Variants in ANK3 observed in about 807,000 individuals in gnomAD.
ANK3 encodes the protein ankyrin-3.
In ANK3, 57 loss-of-function variants were observed where a neutral mutation model predicts 370.9. The observed-to-expected ratio is 0.15, with a 90% CI of 0.12 to 0.19. ANK3 has a LOEUF of 0.19. Ranked by LOEUF, ANK3 falls within the 10% of genes least tolerant of loss-of-function variation. The pLI is 1.00. For synonymous variants in ANK3, 1,929 were observed against 1,946.3 expected, an observed-to-expected ratio of 0.99 and a Z score of 0.23; for missense variants, 4,439 against 5,302.1, an observed-to-expected ratio of 0.84 and a Z score of 5.06.
intron 1 of ANK3, among the ~76,000 whole-genome samples, chr10:60,629,238 T>C (rs2078450966): frequency 6.6e-6 from 1 of 152,164 alleles, no homozygotes; most frequent in Non-Finnish European, 1.5e-5. Flanking sequence ...GAAGTTTATA[T>C]CCATGTCAAA....
At chr10:60,523,740 C>A (rs1243966649) in intron 2 of ANK3, among the ~76,000 whole-genome samples, 1 of 151,920 alleles carries the variant, frequency 6.6e-6, no homozygotes, top group African/African-American at 2.4e-5. Context: ...GATTTATAGT[C>A]CTTTGGGTAT....
rs546760980 is a variant in ANK3, at chr10:60,438,270, T to C, written c.97-158631A>G. ...AAATACATATATATATATGTATGTA[T>C]GTATGTATTGAAGAGTGAGGCTTGG... On this transcript the variant is annotated intron_variant, in intron 2 of 43. Transcript: ENST00000373827. 2.6e-5 allele frequency among the ~76,000 whole-genome samples: 4 copies of C among 152,184 alleles called. No homozygotes were observed. In the South Asian group the frequency reaches 8.3e-4, roughly 32 times the overall value.
At chr10:60,390,036 G>A (rs1056150986), upstream of ANK3, among the ~76,000 whole-genome samples, 1 of 152,152 alleles carries the variant, frequency 6.6e-6, no homozygotes, top group South Asian at 2.1e-4. Context: ...ATCACCACTA[G>A]ATCTACACGG....
At chr10:60,648,164 T>TTTG (rs2078736329) in intron 1 of ANK3, among the ~76,000 whole-genome samples, 1 of 142,622 alleles carries the variant, frequency 7.0e-6, no homozygotes, top group Non-Finnish European at 1.5e-5. Context: ...TTTCCTTTTT[T>TTTG]TTTTTTGAGA....
At chr10:60,288,677 G>C (rs1435468092) in intron 1 of ANK3, among the ~76,000 whole-genome samples, 1 of 152,152 alleles carries the variant, frequency 6.6e-6, no homozygotes, top group Non-Finnish European at 1.5e-5. Flanking sequence ...AGGTTCAGGA[G>C]AGGTTTGGAA....
At chr10:60,579,304 C>T (rs952004162) in intron 2 of ANK3, among the ~76,000 whole-genome samples, 13 of 134,318 alleles carry the variant, frequency 9.7e-5, no homozygotes, top group African/African-American at 3.8e-4. Flanking sequence ...TGGCCTGGCA[C>T]CAGAGCGAGA....
intron 1 of ANK3, among the ~76,000 whole-genome samples, chr10:60,732,698 AC>A (rs1427296342): frequency 6.6e-6 from 1 of 151,824 alleles, no homozygotes. Flanking sequence ...ACAAAACAAA[AC>A]AAACAACAAC....
intron 2 of ANK3, among the ~76,000 whole-genome samples, chr10:60,589,264 A>G (rs567175894): frequency 6.6e-6 from 1 of 152,318 alleles, no homozygotes; most frequent in South Asian, 2.1e-4. Context: ...AAGCTAGACT[A>G]AAGGTTACAT....
chr10:60,070,289 G>A lies in ANK3; in HGVS notation c.10592C>T (p.Pro3531Leu). Residue 3531 changes from proline to leucine, a missense_variant, in exon 37 of 44, where the codon CCT becomes CTT. Around this residue, in one of 13 missense-constraint regions of ANK3, gnomAD observed 1,601 missense variants for 1,731.7 expected, o/e 0.92. Transcript: ENST00000280772. The surrounding 1 kb of genome is among the most constrained non-coding windows in gnomAD (Gnocchi z 5.7). ...SYKVDEEFAT[P>L]FKTVATKGLD... ...ACCTTTGGTAGCTACTGTTTTAAAAGGAGTGGCAAATTCTTCATCTACTTT... is the reference window on the plus strand; with the variant it reads ...ACCTTTGGTAGCTACTGTTTTAAAAAGAGTGGCAAATTCTTCATCTACTTT... 6.2e-7 allele frequency: 1 copy of A among 1,614,104 alleles called. No individual in the cohort carries two copies.
Position 60,070,547 on chromosome 10 carries a change from A to C in ANK3, c.10334T>G (p.Ile3445Ser). 1 of 1,614,086 alleles carries C rather than the reference A, an allele frequency of 6.2e-7. No homozygotes were observed. Among genetic ancestry groups the C allele is most frequent in the Non-Finnish European group, 8.5e-7 (1 of 1,180,014 alleles). ...PIQAMEIKKDIWNTEGILKPA... is the reference protein window; with the variant it reads ...PIQAMEIKKDSWNTEGILKPA... ...CTTCAGAATGCCCTCTGTGTTCCAG[A>C]TATCTTTCTTAATTTCCATGGCTTG... Residue 3445 changes from isoleucine (I) to serine (S), a missense_variant, in exon 37 of 44, where the codon ATC (isoleucine) becomes AGC (serine). Physicochemically the swap from Ile to Ser is moderately radical, Grantham distance 142. Transcript: ENST00000280772. The surrounding 1 kb of genome is among the most constrained non-coding windows in gnomAD (Gnocchi z 5.7).
intron 24 of ANK3, 139 bp downstream of exon 24, chr10:60,138,825 C>T: frequency 4.6e-6 from 5 of 1,075,340 alleles, no homozygotes; most frequent in East Asian, 2.6e-5. Flanking sequence ...TGTGTATTTG[C>T]GTCGAGAACA....
At position 60,072,951 on chromosome 10, in the gene ANK3, C is replaced by G; in HGVS notation, c.7930G>C (p.Asp2644His). ...TGCTGTCTTGCCTTAACCCACTCAT[C>G]ATTGGATGCCAGCAGTTCTGTCAGT... ...VLLTELLASNDEWVKARQHGP... is the reference protein window; with the variant it reads ...VLLTELLASNHEWVKARQHGP... The change falls in exon 37 of 44, where the codon GAT becomes CAT. Residue 2644 changes from aspartate to histidine, a missense_variant. Physicochemically the swap from Asp to His is moderately conservative, Grantham distance 81. Coordinates refer to ENST00000280772, the MANE Select transcript of ANK3 (RefSeq NM_020987.5). 6.2e-7 allele frequency: 1 copy of G among 1,614,104 alleles called. No individual in the cohort carries two copies. The highest frequency in any genetic ancestry group is 8.5e-7 in the Non-Finnish European group (1 of 1,180,012).
At chr10:60,624,919 T>A (rs576926889) in intron 1 of ANK3, among the ~76,000 whole-genome samples, 212 of 152,206 alleles carry the variant, frequency 1.4e-3, no homozygotes, top group Non-Finnish European at 2.3e-3. Context: ...GAGAACAAGG[T>A]GAAGCAGGGG....
intron 1 of ANK3, among the ~76,000 whole-genome samples, chr10:60,350,094 A>G (rs1465867514): frequency 6.6e-6 from 1 of 152,234 alleles, no homozygotes; most frequent in Admixed American, 6.5e-5. Flanking sequence ...CACGAAGGAG[A>G]GGCAAAGGCA....
chr10:60,526,046 C>T (rs993179661), intron 2 of ANK3, among the ~76,000 whole-genome samples: 8 of 152,084 alleles, frequency 5.3e-5, no homozygotes, highest in Admixed American at 6.6e-5. Context: ...CCCAGGTTTA[C>T]ATGGAACTTG....
At chr10:60,694,032 A>C (rs1009281321) in intron 1 of ANK3, among the ~76,000 whole-genome samples, 12 of 152,100 alleles carry the variant, frequency 7.9e-5, no homozygotes, top group Non-Finnish European at 1.2e-4. Context: ...AACTAGAATA[A>C]CCAATACAGA....
At chr10:60,622,230 C>T (rs1489020102) in intron 1 of ANK3, among the ~76,000 whole-genome samples, 3 of 149,972 alleles carry the variant, frequency 2.0e-5, no homozygotes, top group African/African-American at 7.3e-5. Context: ...TTAACTAAAC[C>T]TACAAAAAAT....
chr10:60,089,269 T>A (rs2087543885), intron 28 of ANK3, among the ~76,000 whole-genome samples: 1 of 152,218 alleles, frequency 6.6e-6, no homozygotes, highest in South Asian at 2.1e-4. Flanking sequence ...GTTTACAATC[T>A]GCTCATTCCT....
At chr10:60,240,954 T>C (rs2097446780) in intron 7 of ANK3, among the ~76,000 whole-genome samples, 1 of 152,206 alleles carries the variant, frequency 6.6e-6, no homozygotes, top group African/African-American at 2.4e-5. Context: ...TTTTTGCTTC[T>C]TCATGCTTTT....
Sources: allele counts gnomAD v4.1 joint callset (sites outside exome capture counted in the v4.1 genomes callset), GRCh38; gene constraint gnomAD v4.1.1; regional missense constraint gnomAD v4.1.1; non-coding constraint Gnocchi (gnomAD v3.1); transcripts MANE v1.5; gene names NCBI Gene and HGNC (gene_info 2026-07-23, HGNC 2026-07-21).